Variants in NRXN3 observed in about 807,000 individuals in gnomAD.
NRXN3 encodes neurexin III.
Under a neutral mutation model 137.6 loss-of-function variants are expected in NRXN3, and 32 were observed. That is an observed-to-expected ratio of 0.23 (90% CI 0.18 to 0.31). The LOEUF (loss-of-function observed/expected upper bound fraction) is 0.31. Ranked by LOEUF, NRXN3 falls within the 10% of genes least tolerant of loss-of-function variation. NRXN3 has a pLI of 1.00. For missense variants in NRXN3, 1,574 were observed against 2,062.5 expected, an observed-to-expected ratio of 0.76 and a Z score of 4.59; for synonymous variants, 798 against 784.5, an observed-to-expected ratio of 1.02 and a Z score of -0.29.
chr14:78,291,982 G>T (rs906221440), intron 3 of NRXN3, among the ~76,000 whole-genome samples: 2 of 152,176 alleles, frequency 1.3e-5, no homozygotes, highest in Non-Finnish European at 2.9e-5. Context: ...TACCCAGCCA[G>T]GGTGAAGGAA....
intron 14 of NRXN3, among the ~76,000 whole-genome samples, chr14:78,986,967 G>A (rs1052774658): frequency 1.1e-4 from 16 of 140,070 alleles, no homozygotes; most frequent in Non-Finnish European, 1.8e-4. Context: ...AGATTGCAGT[G>A]AGCCAAGATC....
chr14:78,787,053 G>C (rs1179361339), intron 8 of NRXN3, among the ~76,000 whole-genome samples: 1 of 152,088 alleles, frequency 6.6e-6, no homozygotes. Flanking sequence ...ACTTTAATCA[G>C]TTTATCAGAC....
At chr14:78,321,273 G>A (rs1258084372) in intron 4 of NRXN3, among the ~76,000 whole-genome samples, 3 of 152,086 alleles carry the variant, frequency 2.0e-5, no homozygotes, top group Middle Eastern at 3.4e-3. Context: ...CCCCAAGGCA[G>A]CATATCTAAT....
chr14:79,110,221 T>C (rs866118427), intron 15 of NRXN3, among the ~76,000 whole-genome samples: 24 of 152,130 alleles, frequency 1.6e-4, no homozygotes, highest in African/African-American at 5.3e-4. Context: ...ACAGAAAAAC[T>C]GAAGAGAGTT....
chr14:79,019,986 T>A (rs1312256064), intron 15 of NRXN3, among the ~76,000 whole-genome samples: 2 of 152,002 alleles, frequency 1.3e-5, no homozygotes, highest in Admixed American at 6.6e-5. Flanking sequence ...AGATAATAAC[T>A]GACAGCATGG....
intron 4 of NRXN3, among the ~76,000 whole-genome samples, chr14:78,499,167 C>T (rs2095840467): frequency 6.6e-6 from 1 of 151,554 alleles, no homozygotes; most frequent in South Asian, 2.1e-4. Context: ...TAAATACTAC[C>T]TCTATTACTA....
At chr14:79,294,036 C>T (rs1325390176) in intron 15 of NRXN3, among the ~76,000 whole-genome samples, 1 of 152,116 alleles carries the variant, frequency 6.6e-6, no homozygotes, top group African/African-American at 2.4e-5. Flanking sequence ...ATTAACTACC[C>T]AAGGAGCTCT....
intron 19 of NRXN3, among the ~76,000 whole-genome samples, 193 bp downstream of exon 19, chr14:79,698,130 A>C (rs1430444372): frequency 1.3e-5 from 2 of 151,794 alleles, no homozygotes; most frequent in Non-Finnish European, 2.9e-5. Context: ...AGTCTGTGGC[A>C]CTCCTGGGTT....
intron 4 of NRXN3, among the ~76,000 whole-genome samples, chr14:78,500,658 T>A (rs1021051634): frequency 1.3e-5 from 2 of 152,154 alleles, no homozygotes; most frequent in African/African-American, 4.8e-5. Flanking sequence ...TTTTACTATC[T>A]CACCTTAGGG....
intron 4 of NRXN3, among the ~76,000 whole-genome samples, chr14:78,337,532 C>A (rs2081616714): frequency 6.6e-6 from 1 of 152,104 alleles, no homozygotes; most frequent in South Asian, 2.1e-4. Flanking sequence ...GGCTTAGGGA[C>A]AGCCTCCTGC....
chr14:78,278,765 G>T, intron 3 of NRXN3, 103 bp downstream of exon 3: 3 of 917,460 alleles, frequency 3.3e-6, no homozygotes, highest in Non-Finnish European at 5.1e-6. Flanking sequence ...AATTCTAAGT[G>T]TATTGCATTT....
rs2096242635 is a variant in NRXN3, at chr14:79,455,244, T to C, written c.3263-11977T>C. Among the ~76,000 whole-genome samples the C allele has an allele frequency of 2.0e-5, 3 of 152,186 alleles. No individual in the cohort carries two copies. The South Asian group carries it at 6.2e-4, about 31-fold the overall frequency. ...CATCTTCTTCTATAACCTCACATGG[T>C]GAAACCTTACATGGTGATGTCTGTT... On this transcript the variant is annotated intron_variant, in intron 15 of 20. Transcript: ENST00000335750.
intron 15 of NRXN3, among the ~76,000 whole-genome samples, chr14:79,391,506 A>G (rs1309447698): frequency 6.6e-6 from 1 of 152,228 alleles, no homozygotes; most frequent in Admixed American, 6.5e-5. Context: ...TATTTTGGAA[A>G]CTACCCTGAA....
At chr14:78,814,426 C>A (rs2098925119) in intron 10 of NRXN3, among the ~76,000 whole-genome samples, 1 of 152,048 alleles carries the variant, frequency 6.6e-6, no homozygotes, top group South Asian at 2.1e-4. Flanking sequence ...ACCATCCTGG[C>A]CAACATGGTG....
intron 15 of NRXN3, among the ~76,000 whole-genome samples, chr14:79,144,759 T>A (rs1291711693): frequency 2.6e-5 from 4 of 152,170 alleles, no homozygotes; most frequent in Non-Finnish European, 5.9e-5. Flanking sequence ...TCTTCTTGGT[T>A]GTTTATTCTC....
intron 16 of NRXN3, among the ~76,000 whole-genome samples, chr14:79,623,401 A>C (rs73327946): frequency 3.9e-5 from 6 of 152,244 alleles, no homozygotes; most frequent in Middle Eastern, 3.4e-3. Context: ...AATTCAGCCC[A>C]TCAACTCAGT....
chr14:79,861,929 A>G lies in NRXN3; in HGVS notation c.4681A>G (p.Lys1561Glu). 1 of 1,613,690 alleles carries G rather than the reference A, an allele frequency of 6.2e-7. No individual in the cohort carries two copies. The highest frequency in any genetic ancestry group is 2.2e-5 in the East Asian group (1 of 44,864). The change falls in exon 21 of 21, where the codon AAA becomes GAA. Residue 1561 changes from lysine to glutamate, a missense_variant. Lys to Glu is a moderately conservative substitution (Grantham distance 56, BLOSUM62 1). Around this residue, in one of 5 missense-constraint regions of NRXN3, gnomAD observed 320 missense variants for 387.1 expected, o/e 0.83. Transcript: ENST00000335750. This position sits in a 1 kb window ranked among gnomAD's most constrained non-coding sequence, Gnocchi z 5.4. ...GCAGAGCTCGAAGAGCGGCCACAAG[A>G]AACAGAAAAACAAGGACAGGGAGTA... ...KQQSSKSGHKKQKNKDREYYV is the reference protein window; with the variant it reads ...KQQSSKSGHKEQKNKDREYYV
intron 20 of NRXN3, among the ~76,000 whole-genome samples, chr14:79,823,042 T>G (rs1430074638): frequency 1.3e-5 from 2 of 152,188 alleles, no homozygotes; most frequent in African/African-American, 4.8e-5. Context: ...TGAATTAGCC[T>G]ACATTTGAGC....
At chr14:78,978,488 A>G (rs2099477362) in intron 14 of NRXN3, among the ~76,000 whole-genome samples, 1 of 152,004 alleles carries the variant, frequency 6.6e-6, no homozygotes, top group African/African-American at 2.4e-5. Context: ...AAATGAATAG[A>G]TCTTATGTTG....
Sources: gnomAD v4.1 joint callset for allele counts (sites outside exome capture counted in the v4.1 genomes callset) on GRCh38, gnomAD v4.1.1 for gene constraint, gnomAD v4.1.1 regional missense constraint, Gnocchi (gnomAD v3.1) non-coding constraint, MANE v1.5 for transcripts, NCBI Gene and HGNC (gene_info 2026-07-23, HGNC 2026-07-21) for gene names.